STK32B: variants seen among roughly 807,000 people sequenced by gnomAD.
STK32B encodes serine/threonine-protein kinase 32B.
STK32B carries 43 observed loss-of-function variants against 52.6 expected under a neutral mutation model. The ratio of observed to expected loss-of-function variants is 0.82; its 90% CI spans 0.64 to 1.05. The LOEUF (loss-of-function observed/expected upper bound fraction) is 1.05. Among genes scored for constraint, STK32B ranks in the 50% least tolerant of loss-of-function variants. The pLI, the probability that STK32B is intolerant of heterozygous loss-of-function variation, is 0.00. For synonymous variants in STK32B, 238 were observed against 204.3 expected (o/e 1.17, Z -1.41); for missense variants, 621 against 534.6 (o/e 1.16, Z -1.59).
At chr4:5,021,563 T>C in the STK32B span, among the ~76,000 whole-genome samples, 7 of 152,114 alleles carry the variant, frequency 4.6e-5, no homozygotes, top group African/African-American at 7.2e-5. Flanking sequence ...GGGCTTAAAT[T>C]CAGAGCAGGG....
rs185376240 is a variant in STK32B at position 5,192,201 on chromosome 4, T to A, written c.260+23751T>A. 3.9e-3 allele frequency among the ~76,000 whole-genome samples: 589 copies of A among 152,264 alleles called. 8 individuals are homozygous for A. The highest frequency in any genetic ancestry group is 4.4e-3 in the Non-Finnish European group (299 of 68,010). ...GGTCCTGAGTCCAAAATGATGACAT[T>A]TTCTTAGAAAACCTATCACAAGGGA... On this transcript the variant is annotated intron_variant, in intron 3 of 11. Transcript: ENST00000282908.
intron 1 of STK32B, among the ~76,000 whole-genome samples, chr4:5,093,924 T>G (rs370788712): frequency 1.2e-4 from 18 of 152,160 alleles, no homozygotes; most frequent in African/African-American, 3.9e-4. Flanking sequence ...GTCCTGACAT[T>G]ACAAGAAAAA....
intron 2 of STK32B, among the ~76,000 whole-genome samples, chr4:5,167,333 T>G (rs917405557): frequency 2.0e-5 from 3 of 152,216 alleles, no homozygotes; most frequent in African/African-American, 7.2e-5. Flanking sequence ...CCCTCATGCT[T>G]TATCCATAAG....
intron 3 of STK32B, among the ~76,000 whole-genome samples, chr4:5,194,216 A>C (rs201447246): frequency 6.6e-6 from 1 of 152,194 alleles, no homozygotes; most frequent in Non-Finnish European, 1.5e-5. Context: ...TCTGAGACCA[A>C]TGGTCCTGTG....
intron 3 of STK32B, among the ~76,000 whole-genome samples, chr4:5,176,000 G>C (rs1719849268): frequency 6.6e-6 from 1 of 152,248 alleles, no homozygotes; most frequent in African/African-American, 2.4e-5. Flanking sequence ...CTTGGCAATG[G>C]TGGGCGCCCC....
chr4:5,436,308 TTGATGTCATAATCCCTATGCCACCAAAA>T (rs1242074565), intron 6 of STK32B, among the ~76,000 whole-genome samples: 1 of 152,214 alleles, frequency 6.6e-6, no homozygotes, highest in Admixed American at 6.5e-5. Context: ...CACAGCAATA[TTGATGTCATAATCCCTATGCCACCAAAA>T]TGATGTCATT....
At chr4:5,252,442 C>A (rs1326421399) in intron 3 of STK32B, among the ~76,000 whole-genome samples, 1 of 152,182 alleles carries the variant, frequency 6.6e-6, no homozygotes, top group Non-Finnish European at 1.5e-5. Flanking sequence ...ATCAGTGGCA[C>A]CCATTGGAAA....
chr4:5,125,967 G>T (rs1715337739), intron 1 of STK32B, among the ~76,000 whole-genome samples: 1 of 152,026 alleles, frequency 6.6e-6, no homozygotes, highest in Non-Finnish European at 1.5e-5. Context: ...GCTTCACTTT[G>T]GCCTGTGATT....
intron 3 of STK32B, among the ~76,000 whole-genome samples, chr4:5,303,203 G>T (rs1729686635): frequency 6.6e-6 from 1 of 151,992 alleles, no homozygotes; most frequent in Non-Finnish European, 1.5e-5. Context: ...ACCCAGGAGG[G>T]GGCATTGCTG....
chr4:5,354,754 C>G (rs961125114), intron 4 of STK32B, among the ~76,000 whole-genome samples: 3 of 152,272 alleles, frequency 2.0e-5, no homozygotes, highest in Admixed American at 1.3e-4. Context: ...CCCAAATATT[C>G]TGACTTGAAC....
intron 1 of STK32B, among the ~76,000 whole-genome samples, chr4:5,128,956 C>T (rs1366156680): frequency 3.3e-5 from 5 of 152,284 alleles, no homozygotes; most frequent in East Asian, 3.9e-4. Context: ...AGGACATACA[C>T]GTAGTTTCTC....
chr4:5,452,280 T>TC (rs1716075539), intron 7 of STK32B, among the ~76,000 whole-genome samples: 1 of 150,970 alleles, frequency 6.6e-6, no homozygotes, highest in Non-Finnish European at 1.5e-5. Flanking sequence ...GGCCAGCGAG[T>TC]GGAGGGAGGT....
chr4:5,164,521 C>T (rs190338303), intron 2 of STK32B, among the ~76,000 whole-genome samples: 6 of 152,320 alleles, frequency 3.9e-5, no homozygotes, highest in East Asian at 3.9e-4. Flanking sequence ...TCACACATGC[C>T]GCAGACTGGG....
chr4:5,464,284 C>A (rs999658475), intron 9 of STK32B, among the ~76,000 whole-genome samples: 1 of 152,342 alleles, frequency 6.6e-6, no homozygotes, highest in South Asian at 2.1e-4. Flanking sequence ...AGGGGACAGG[C>A]AAGTTATGTC....
chr4:5,026,358 T>C, the STK32B span, among the ~76,000 whole-genome samples: 3 of 152,160 alleles, frequency 2.0e-5, no homozygotes, highest in Admixed American at 6.5e-5. Context: ...GGGTAATTTA[T>C]AGGAAAAGAG....
chr4:5,047,814 A>C (rs1741647599), upstream of STK32B, among the ~76,000 whole-genome samples: 1 of 152,202 alleles, frequency 6.6e-6, no homozygotes, highest in Non-Finnish European at 1.5e-5. Context: ...TTGAAGTCCT[A>C]ACCCCTGGAA....
Position 5,188,183 on chromosome 4 carries a change from C to A in STK32B, c.260+19733C>A, listed in dbSNP as rs375871736. ...TATCCTATAAATTTGCTGGAGAGTT[C>A]ATCACGTGCATGAAATTGCTAGTGG... is the stretch of plus-strand genomic sequence containing the variant. On this transcript the variant is annotated intron_variant, in intron 3 of 11. Coordinates refer to ENST00000282908, the MANE Select transcript of STK32B (RefSeq NM_018401.3). Among the ~76,000 whole-genome samples, 3 of 152,268 alleles carry A rather than the reference C, an allele frequency of 2.0e-5. No individual in the cohort carries two copies. In the South Asian group the frequency reaches 6.2e-4, roughly 32 times the overall value.
intron 3 of STK32B, among the ~76,000 whole-genome samples, chr4:5,185,526 T>C (rs956253117): frequency 6.6e-6 from 1 of 152,174 alleles, no homozygotes; most frequent in Non-Finnish European, 1.5e-5. Context: ...GCTGAAGTAG[T>C]GGAGGGCAGG....
chr4:5,492,271 G>A (rs1428607047), intron 11 of STK32B, among the ~76,000 whole-genome samples: 2 of 152,112 alleles, frequency 1.3e-5, no homozygotes, highest in Admixed American at 6.5e-5. Context: ...GTGGCTTGTA[G>A]TTCTCCTTGA....
Sources: gnomAD v4.1 joint callset for allele counts (sites outside exome capture counted in the v4.1 genomes callset) on GRCh38, gnomAD v4.1.1 for gene constraint, MANE v1.5 for transcripts, NCBI Gene and HGNC (gene_info 2026-07-23, HGNC 2026-07-21) for gene names.